The following DCLK1 variants were observed in gnomAD, a reference collection of about 807,000 sequenced individuals.
The protein encoded by DCLK1 is serine/threonine-protein kinase DCLK1.
In DCLK1, 16 loss-of-function variants were observed where a neutral mutation model predicts 86.2. That is an observed-to-expected ratio of 0.19 (90% CI 0.13 to 0.28). The LOEUF (loss-of-function observed/expected upper bound fraction) is 0.28, where lower values mean the gene tolerates loss of function less well. Among genes scored for constraint, DCLK1 ranks in the 10% least tolerant of loss-of-function variants. DCLK1 has a pLI of 1.00. For missense variants in DCLK1, 590 were observed against 940.2 expected (o/e 0.63, Z 4.87); for synonymous variants, 369 against 370.5 (o/e 1.00, Z 0.05).
intron 2 of DCLK1, among the ~76,000 whole-genome samples, chr13:36,122,595 C>A (rs930142580): frequency 2.0e-5 from 3 of 152,138 alleles, no homozygotes; most frequent in African/African-American, 7.2e-5. Flanking sequence ...CATTTACCTA[C>A]CTACAGTAGA....
intron 5 of DCLK1, among the ~76,000 whole-genome samples, chr13:35,856,375 G>C (rs1871058963): frequency 6.6e-6 from 1 of 152,182 alleles, no homozygotes. Flanking sequence ...CCTATAACTA[G>C]TAAGAAAGGG....
At chr13:35,934,434 T>A (rs1162240532) in intron 4 of DCLK1, among the ~76,000 whole-genome samples, 8 of 152,194 alleles carry the variant, frequency 5.3e-5, no homozygotes, top group African/African-American at 1.2e-4. Context: ...TCCACATCGC[T>A]GGGGAAGCCT....
At chr13:35,789,741 G>A (rs1415210275) in intron 16 of DCLK1, among the ~76,000 whole-genome samples, 2 of 152,130 alleles carry the variant, frequency 1.3e-5, no homozygotes, top group African/African-American at 2.4e-5. Flanking sequence ...CTTAGTCATC[G>A]GTTCTTCATC....
chr13:35,848,623 T>C (rs776981522), intron 6 of DCLK1: 3 of 985,204 alleles, frequency 3.0e-6, no homozygotes, highest in African/African-American at 1.7e-5. Flanking sequence ...CAATTGGCAA[T>C]ATCTACCACT....
At chr13:35,849,848 T>A in intron 6 of DCLK1, 1 of 982,102 alleles carries the variant, frequency 1.0e-6, no homozygotes. Context: ...CAGACACAAT[T>A]TTTTTTAGGT....
intron 5 of DCLK1, among the ~76,000 whole-genome samples, chr13:35,868,767 C>T (rs1340138945): frequency 1.3e-5 from 2 of 152,046 alleles, no homozygotes; most frequent in Non-Finnish European, 2.9e-5. Context: ...TGGGAGTTCA[C>T]CCTATAGCCC....
chr13:36,039,806 C>A (rs1882637692), intron 3 of DCLK1, among the ~76,000 whole-genome samples: 1 of 152,040 alleles, frequency 6.6e-6, no homozygotes, highest in Admixed American at 6.6e-5. Context: ...AATTTATTAG[C>A]AAAACACTTT....
At chr13:35,941,178 A>G (rs558414298) in intron 4 of DCLK1, among the ~76,000 whole-genome samples, 4 of 152,248 alleles carry the variant, frequency 2.6e-5, no homozygotes, top group African/African-American at 7.2e-5. Flanking sequence ...TTGGTGCAAA[A>G]GTAATCACTT....
At chr13:35,967,269 C>A (rs559701997) in intron 3 of DCLK1, among the ~76,000 whole-genome samples, 1 of 150,636 alleles carries the variant, frequency 6.6e-6, no homozygotes, top group Admixed American at 6.6e-5. Context: ...TCTGCCCGGC[C>A]GCCCCGTCTG....
intron 5 of DCLK1, among the ~76,000 whole-genome samples, chr13:35,858,348 CTT>C (rs1324665759): frequency 6.6e-6 from 1 of 152,172 alleles, no homozygotes; most frequent in Non-Finnish European, 1.5e-5. Flanking sequence ...AGTTTGGACA[CTT>C]TGAACGGAAG....
At chr13:36,037,680 C>T (rs1882557039) in intron 3 of DCLK1, among the ~76,000 whole-genome samples, 1 of 151,972 alleles carries the variant, frequency 6.6e-6, no homozygotes, top group Non-Finnish European at 1.5e-5. Flanking sequence ...GACGGAGTTT[C>T]ACCATGTTGG....
upstream of DCLK1, among the ~76,000 whole-genome samples, chr13:36,131,787 C>T (rs1263089130): frequency 6.6e-6 from 1 of 152,204 alleles, no homozygotes; most frequent in African/African-American, 2.4e-5. Context: ...TGTGACCTCA[C>T]GGTCTGACAC....
intron 3 of DCLK1, among the ~76,000 whole-genome samples, chr13:35,975,416 C>A (rs2153140365): frequency 6.6e-6 from 1 of 152,102 alleles, no homozygotes; most frequent in East Asian, 1.9e-4. Flanking sequence ...AACACAAGGG[C>A]AACAAGGTGC....
intron 3 of DCLK1, among the ~76,000 whole-genome samples, chr13:36,080,840 G>A (rs1267283743): frequency 1.3e-5 from 2 of 152,136 alleles, no homozygotes; most frequent in South Asian, 2.1e-4. Context: ...ACCAGGGGTT[G>A]AGGGGTAATT....
At chr13:35,813,827 A>G (rs531135790) in intron 11 of DCLK1, among the ~76,000 whole-genome samples, 228 of 150,518 alleles carry the variant, frequency 1.5e-3, no homozygotes, top group South Asian at 0.011. Context: ...ATAAGAGCTT[A>G]AAGACAAAGG....
intron 3 of DCLK1, among the ~76,000 whole-genome samples, chr13:36,082,478 T>G (rs1234849989): frequency 2.0e-5 from 3 of 152,216 alleles, no homozygotes; most frequent in Non-Finnish European, 4.4e-5. Context: ...TATTTTTAAC[T>G]GTGTGGGAGG....
At chr13:35,892,111 C>G (rs1012879362) in intron 4 of DCLK1, among the ~76,000 whole-genome samples, 1 of 152,072 alleles carries the variant, frequency 6.6e-6, no homozygotes, top group Non-Finnish European at 1.5e-5. Context: ...TGTGTCCTCA[C>G]CTTGCTGAGG....
intron 4 of DCLK1, among the ~76,000 whole-genome samples, chr13:35,880,477 T>C (rs1192597484): frequency 6.6e-6 from 1 of 152,206 alleles, no homozygotes. Context: ...TTCCTCACTA[T>C]TTTGGATTGA....
At chr13:36,110,702 A>C (rs955396900) in intron 3 of DCLK1, among the ~76,000 whole-genome samples, 1 of 152,152 alleles carries the variant, frequency 6.6e-6, no homozygotes, top group Non-Finnish European at 1.5e-5. Context: ...CCTCAAAAAA[A>C]ATTTTTTAAA....
Sources: allele counts gnomAD v4.1 joint callset (sites outside exome capture counted in the v4.1 genomes callset), GRCh38; gene constraint gnomAD v4.1.1; transcripts MANE v1.5; gene names NCBI Gene and HGNC (gene_info 2026-07-23, HGNC 2026-07-21).